The following PLCB1 variants were observed in gnomAD, a reference collection of about 807,000 sequenced individuals.
PLCB1 encodes the protein phospholipase C beta 1.
In PLCB1, 46 loss-of-function variants were observed where a neutral mutation model predicts 161.8. The observed-to-expected ratio is 0.28, with a 90% CI of 0.22 to 0.36. The LOEUF is 0.36. PLCB1 is among the 10% of genes least tolerant of loss of function. The pLI is 1.00. For synonymous variants in PLCB1, 517 were observed against 503.7 expected, an observed-to-expected ratio of 1.03 and a Z score of -0.35; for missense variants, 1,016 against 1,472.5, an observed-to-expected ratio of 0.69 and a Z score of 5.07.
intron 26 of PLCB1, among the ~76,000 whole-genome samples, chr20:8,767,648 G>A (rs935855884): frequency 5.9e-5 from 9 of 152,072 alleles, no homozygotes; most frequent in Admixed American, 3.9e-4. Flanking sequence ...TGTGGACTGC[G>A]CATCATAGCT....
At chr20:8,582,198 T>A (rs990853014) in intron 3 of PLCB1, among the ~76,000 whole-genome samples, 8 of 152,200 alleles carry the variant, frequency 5.3e-5, no homozygotes, top group Non-Finnish European at 1.2e-4. Context: ...TACCTCACCC[T>A]GCATCCCTTT....
At chr20:8,179,890 T>G (rs2423347) in intron 2 of PLCB1, among the ~76,000 whole-genome samples, 121,085 of 121,876 alleles carry the variant, frequency 0.99, 60,147 homozygotes, top group Admixed American at 1. Context: ...ACGGAGTCCC[T>G]CTCTGTCGCC....
chr20:8,495,914 C>T (rs1180360674), intron 3 of PLCB1, among the ~76,000 whole-genome samples: 1 of 152,114 alleles, frequency 6.6e-6, no homozygotes, highest in African/African-American at 2.4e-5. Context: ...GTACTTCCCC[C>T]AAAGCAACTG....
chr20:8,430,535 G>T (rs1979994437), intron 3 of PLCB1, among the ~76,000 whole-genome samples: 1 of 152,218 alleles, frequency 6.6e-6, no homozygotes, highest in Non-Finnish European at 1.5e-5. Flanking sequence ...TATGTTTAAT[G>T]AACCTAGTTG....
At chr20:8,580,093 A>T (rs1986786718) in intron 3 of PLCB1, among the ~76,000 whole-genome samples, 1 of 152,000 alleles carries the variant, frequency 6.6e-6, no homozygotes, top group Non-Finnish European at 1.5e-5. Flanking sequence ...TGGGCTCTGG[A>T]TTGGTTAGTT....
chr20:8,593,157 C>T (rs1009304239), intron 3 of PLCB1, among the ~76,000 whole-genome samples: 1 of 152,090 alleles, frequency 6.6e-6, no homozygotes, highest in Non-Finnish European at 1.5e-5. Context: ...ACAGGCCCTG[C>T]CCCCCATATC....
At chr20:8,136,395 G>T (rs370403950) in intron 1 of PLCB1, among the ~76,000 whole-genome samples, 1 of 152,144 alleles carries the variant, frequency 6.6e-6, no homozygotes, top group African/African-American at 2.4e-5. Flanking sequence ...GGGAAGCCGA[G>T]GCGGGCAGAT....
At chr20:8,810,945 C>T (rs1984787180) in intron 31 of PLCB1, among the ~76,000 whole-genome samples, 1 of 152,102 alleles carries the variant, frequency 6.6e-6, no homozygotes, top group South Asian at 2.1e-4. Flanking sequence ...TGGCCTCTGG[C>T]CTGGACAACA....
intron 12 of PLCB1, 53 bp downstream of exon 12, chr20:8,708,805 G>A: frequency 2.0e-6 from 2 of 1,025,040 alleles, no homozygotes; most frequent in Non-Finnish European, 3.1e-6. Context: ...AGGGCATACT[G>A]AGTAATTGTT....
At chr20:8,470,160 A>G (rs1981989708) in intron 3 of PLCB1, among the ~76,000 whole-genome samples, 1 of 152,192 alleles carries the variant, frequency 6.6e-6, no homozygotes, top group African/African-American at 2.4e-5. Flanking sequence ...GCCACATTTT[A>G]TCTACCCATT....
At position 8,450,930 on chromosome 20, in the gene PLCB1, G is replaced by C. The variant is rs144777128; in HGVS notation, c.246+79480G>C. ...TCAATTTACTGTTAAGTTGTAAAAA[G>C]TAGGCTTGTACCTGATGAAAACATT... On this transcript the variant is annotated intron_variant, in intron 3 of 31. Coordinates refer to ENST00000338037, the MANE Select transcript of PLCB1 (RefSeq NM_015192.4). Among the ~76,000 whole-genome samples the C allele has an allele frequency of 3.3e-4, 51 of 152,268 alleles. No homozygotes were observed. In the East Asian group the frequency reaches 8.9e-3, roughly 26 times the overall value.
At chr20:8,742,736 A>G (rs1294005071) in intron 23 of PLCB1, among the ~76,000 whole-genome samples, 1 of 152,210 alleles carries the variant, frequency 6.6e-6, no homozygotes, top group Non-Finnish European at 1.5e-5. Context: ...AATAACTCAT[A>G]GCCTTCTATC....
At chr20:8,313,389 C>A (rs180825923) in intron 2 of PLCB1, among the ~76,000 whole-genome samples, 16 of 152,014 alleles carry the variant, frequency 1.1e-4, no homozygotes, top group African/African-American at 3.9e-4. Context: ...TGAGCATGTT[C>A]TCATGGTGGT....
chr20:8,778,086 C>T (rs113625837), intron 27 of PLCB1, among the ~76,000 whole-genome samples: 3 of 152,004 alleles, frequency 2.0e-5, no homozygotes, highest in African/African-American at 4.8e-5. Context: ...ACCATATCAC[C>T]GACTATAATC....
At chr20:8,230,276 G>C (rs1396052073) in intron 2 of PLCB1, among the ~76,000 whole-genome samples, 1 of 151,974 alleles carries the variant, frequency 6.6e-6, no homozygotes, top group East Asian at 1.9e-4. Context: ...CATAATATGT[G>C]TACATATTTG....
chr20:8,162,652 C>T (rs2051637652), intron 2 of PLCB1, among the ~76,000 whole-genome samples: 1 of 152,198 alleles, frequency 6.6e-6, no homozygotes, highest in Non-Finnish European at 1.5e-5. Context: ...AGATTTCTCC[C>T]TGGCATTGTG....
chr20:8,501,892 TATATATATATATATATATATATATG>T (rs1983433668), intron 3 of PLCB1, among the ~76,000 whole-genome samples: 1 of 67,092 alleles, frequency 1.5e-5, no homozygotes, highest in Non-Finnish European at 3.1e-5. Context: ...TATATATATA[TATATATATATATATATATATATATG>T]ACTTTTTCTT....
rs150552161 is a variant in PLCB1, at chr20:8,390,197, G to C, written c.246+18747G>C. ...AGTTTATTCTCTCACAATTCTGGGA[G>C]CGGGAAGTCTGAGACAAAAGTGCCA... On this transcript the variant is annotated intron_variant, in intron 3 of 31. Coordinates refer to ENST00000338037, the MANE Select transcript of PLCB1 (RefSeq NM_015192.4). Among the ~76,000 whole-genome samples the C allele has an allele frequency of 9.5e-4, 144 of 152,270 alleles. 2 individuals are homozygous for C. The highest frequency in any genetic ancestry group is 3.1e-3 in the African/African-American group (128 of 41,546).
At chr20:8,728,200 A>C (rs1044565687) in intron 17 of PLCB1, among the ~76,000 whole-genome samples, 1 of 152,122 alleles carries the variant, frequency 6.6e-6, no homozygotes, top group Admixed American at 6.6e-5. Flanking sequence ...GAAATTGTTA[A>C]ATCTATTTTA....
Sources: allele counts gnomAD v4.1 joint callset (sites outside exome capture counted in the v4.1 genomes callset), GRCh38; gene constraint gnomAD v4.1.1; transcripts MANE v1.5; gene names NCBI Gene and HGNC (gene_info 2026-07-23, HGNC 2026-07-21).